MBTD1: variants seen among roughly 807,000 people sequenced by gnomAD.
The protein encoded by MBTD1 is MBT domain-containing protein 1.
In MBTD1, 24 loss-of-function variants were observed where a neutral mutation model predicts 87.8. The observed-to-expected ratio is 0.27, with a 90% CI of 0.20 to 0.38. The LOEUF (loss-of-function observed/expected upper bound fraction) is 0.38, where lower values mean the gene tolerates loss of function less well. Among genes scored for constraint, MBTD1 ranks in the 10% least tolerant of loss-of-function variants. The pLI is 1.00. For missense variants in MBTD1, 436 were observed against 760.2 expected (o/e 0.57, Z 5.02); for synonymous variants, 237 against 248.6 (o/e 0.95, Z 0.44).
intron 3 of MBTD1, among the ~76,000 whole-genome samples, chr17:51,221,359 CTAT>C (rs1209891447): frequency 1.1e-4 from 16 of 152,248 alleles, no homozygotes; most frequent in African/African-American, 3.8e-4. Flanking sequence ...CGTAGGTGCT[CTAT>C]TATTAATCAG....
intron 2 of MBTD1, among the ~76,000 whole-genome samples, chr17:51,235,991 CTCTA>C (rs548077504): frequency 1.2e-4 from 18 of 151,996 alleles, no homozygotes; most frequent in African/African-American, 3.6e-4. Context: ...ATAAATAGAC[CTCTA>C]TCTATCTATC....
intron 6 of MBTD1, among the ~76,000 whole-genome samples, chr17:51,208,185 G>C (rs2051959893): frequency 6.6e-6 from 1 of 152,186 alleles, no homozygotes; most frequent in Admixed American, 6.5e-5. Context: ...TGGAATTTCT[G>C]AAGGAGAGGA....
At chr17:51,237,260 C>T (rs1353793902) in intron 2 of MBTD1, among the ~76,000 whole-genome samples, 10 of 140,190 alleles carry the variant, frequency 7.1e-5, no homozygotes, top group African/African-American at 2.7e-4. Context: ...CGTGCCATTG[C>T]ACTCCAGCCT....
intron 2 of MBTD1, among the ~76,000 whole-genome samples, chr17:51,226,956 C>T (rs1190733957): frequency 1.3e-5 from 2 of 148,272 alleles, no homozygotes; most frequent in Admixed American, 6.7e-5. Flanking sequence ...TTAAAAATTG[C>T]TTTGGGCTGG....
At chr17:51,217,103 C>G (rs768372419) in intron 6 of MBTD1, among the ~76,000 whole-genome samples, 171 of 152,048 alleles carry the variant, frequency 1.1e-3, no homozygotes, top group Non-Finnish European at 1.8e-3. Flanking sequence ...ACTAGTACTT[C>G]TCCCTGTTTA....
At chr17:51,251,623 A>G (rs1408734309) in intron 2 of MBTD1, 1 of 152,178 alleles carries the variant, frequency 6.6e-6, no homozygotes, top group Non-Finnish European at 1.5e-5. Flanking sequence ...CTTAACACCT[A>G]GAGGAATGAT....
chr17:51,204,023 A>G lies in MBTD1; in HGVS notation c.605-98T>C. Reference sequence around the variant, plus strand: ...GTTGTCAAACTAGTGTCTATCTGCAATACAATCACCTGCAGGGTTTGTTAA... The same window carrying G: ...GTTGTCAAACTAGTGTCTATCTGCAGTACAATCACCTGCAGGGTTTGTTAA... On this transcript the variant is annotated intron_variant, in intron 7 of 16. Coordinates refer to ENST00000586178, the MANE Select transcript of MBTD1 (RefSeq NM_017643.3). 3.3e-6 allele frequency: 3 copies of G among 917,408 alleles called. No individual in the cohort carries two copies. In the East Asian group the frequency reaches 7.7e-5, roughly 24 times the overall value. The allele number at this position is 917,408 out of a possible 1,614,324, so 56.8% of individuals were successfully genotyped here. A position where few individuals can be genotyped will look rare whatever the true frequency, so the allele number is the denominator to read the frequency against.
chr17:51,219,059 G>A lies in MBTD1; in HGVS notation c.289-15C>T. The A allele has an allele frequency of 7.3e-7, 1 of 1,370,848 alleles. No homozygotes were observed. Among genetic ancestry groups the A allele is most frequent in the South Asian group, 1.2e-5 (1 of 80,474 alleles). 84.9% of individuals were successfully genotyped at this position (1,370,848 alleles called of 1,614,324 possible). A position where few individuals can be genotyped will look rare whatever the true frequency, so the allele number is the denominator to read the frequency against. ...GGAGGCTTACCCTAAAACAAGAAAA[G>A]TTAAGTAAATAGGATTCTTTTTCAT... On this transcript the variant is annotated splice_polypyrimidine_tract_variant and intron_variant, in intron 4 of 16. Transcript: ENST00000586178.
intron 3 of MBTD1, among the ~76,000 whole-genome samples, chr17:51,223,418 A>C (rs955992796): frequency 6.6e-6 from 1 of 151,904 alleles, no homozygotes; most frequent in South Asian, 2.1e-4. Flanking sequence ...TGCCTACAGT[A>C]CCAGCTACTT....
At chr17:51,239,375 A>G (rs1210935018) in intron 2 of MBTD1, among the ~76,000 whole-genome samples, 2 of 152,200 alleles carry the variant, frequency 1.3e-5, no homozygotes, top group Non-Finnish European at 2.9e-5. Context: ...GGTTTTTACC[A>G]TAAAATACTT....
At position 51,179,664 on chromosome 17, in the gene MBTD1, TCTC is replaced by T. The variant is rs1290364053; in HGVS notation, c.*909_*911del. The T allele has an allele frequency of 1.3e-5, 2 of 151,282 alleles. No individual in the cohort carries two copies. Among genetic ancestry groups the T allele is most frequent in the African/African-American group, 4.9e-5 (2 of 41,220 alleles). 9.4% of individuals were successfully genotyped at this position (151,282 alleles called of 1,614,324 possible). ...GGCTTTGAATAACTTTCAATTCGAT[TCTC>T]CTAATACAGAACATCTGTTTTTGGT... is the stretch of plus-strand genomic sequence containing the variant. On this transcript the variant is annotated 3_prime_UTR_variant, in exon 17 of 17. Transcript: ENST00000586178.
At chr17:51,190,040 GA>G (rs1427476969) in intron 16 of MBTD1, among the ~76,000 whole-genome samples, 2 of 152,186 alleles carry the variant, frequency 1.3e-5, no homozygotes, top group African/African-American at 4.8e-5. Context: ...TGTGCTGGGA[GA>G]AAACTTATTT....
intron 12 of MBTD1, among the ~76,000 whole-genome samples, chr17:51,196,260 G>A (rs1397883027): frequency 7.0e-6 from 1 of 142,046 alleles, no homozygotes; most frequent in Non-Finnish European, 1.5e-5. Flanking sequence ...AGTTTCCCTC[G>A]TCACCTAGGC....
intron 2 of MBTD1, among the ~76,000 whole-genome samples, chr17:51,239,905 T>C (rs1265127231): frequency 6.6e-6 from 1 of 152,224 alleles, no homozygotes; most frequent in Non-Finnish European, 1.5e-5. Context: ...TACTTTCATC[T>C]GATCTACCAT....
chr17:51,204,691 G>C (rs989053879), intron 7 of MBTD1, among the ~76,000 whole-genome samples: 1 of 151,954 alleles, frequency 6.6e-6, no homozygotes, highest in Non-Finnish European at 1.5e-5. Flanking sequence ...TGTAGAGATG[G>C]GGTTTCACCA....
At chr17:51,183,659 T>C (rs1396202517) in intron 16 of MBTD1, 1 of 152,242 alleles carries the variant, frequency 6.6e-6, no homozygotes, top group Non-Finnish European at 1.5e-5. Context: ...ACTGTGCAGT[T>C]AGTTCTTCCT....
chr17:51,197,515 C>A (rs946331791), intron 12 of MBTD1, among the ~76,000 whole-genome samples: 1 of 148,758 alleles, frequency 6.7e-6, no homozygotes, highest in Non-Finnish European at 1.5e-5. Flanking sequence ...CTTAATTTTT[C>A]TTTTCTTTTT....
chr17:51,189,223 T>C (rs2050689923), intron 16 of MBTD1, among the ~76,000 whole-genome samples: 3 of 152,308 alleles, frequency 2.0e-5, no homozygotes, highest in South Asian at 2.1e-4. Flanking sequence ...ACACAGACTA[T>C]ATTTCTCTTC....
chr17:51,248,868 T>G (rs1420034729), intron 2 of MBTD1, among the ~76,000 whole-genome samples: 4 of 152,194 alleles, frequency 2.6e-5, no homozygotes, highest in African/African-American at 9.7e-5. Context: ...CTTTTGCTTT[T>G]TGAATTTGTT....
Sources: allele counts gnomAD v4.1 joint callset (sites outside exome capture counted in the v4.1 genomes callset), GRCh38; gene constraint gnomAD v4.1.1; transcripts MANE v1.5; gene names NCBI Gene and HGNC (gene_info 2026-07-23, HGNC 2026-07-21).